HOOK3: variants seen among roughly 807,000 people sequenced by gnomAD.
HOOK3 encodes hook microtubule tethering protein 3, also known as protein Hook homolog 3.
Under a neutral mutation model 116.3 loss-of-function variants are expected in HOOK3, and 24 were observed. That is an observed-to-expected ratio of 0.21 (90% CI 0.15 to 0.29). HOOK3 has a LOEUF of 0.29. HOOK3 is among the 10% of genes least tolerant of loss of function. The pLI is 1.00. For missense variants in HOOK3, 632 were observed against 830.2 expected, an observed-to-expected ratio of 0.76 and a Z score of 2.93; for synonymous variants, 275 against 283.0, an observed-to-expected ratio of 0.97 and a Z score of 0.28.
At chr8:42,961,842 A>C (rs140728833) in intron 8 of HOOK3, among the ~76,000 whole-genome samples, 4 of 152,118 alleles carry the variant, frequency 2.6e-5, no homozygotes, top group Non-Finnish European at 5.9e-5. Context: ...GCTAGAGTGC[A>C]GTGGTGCAAT....
chr8:43,019,736 T>G lies in HOOK3; in HGVS notation c.*1238T>G, dbSNP rs1809788561. On this transcript the variant is annotated 3_prime_UTR_variant, in exon 22 of 22. Transcript: ENST00000307602. ...GTATATATAAGGTGCTATATAAGTG[T>G]GAAATATCATTCATTTATAAATGAA... 2 of 204,770 alleles carry G rather than the reference T, an allele frequency of 9.8e-6. No homozygotes were observed. Among genetic ancestry groups the G allele is most frequent in the Non-Finnish European group, 2.0e-5 (2 of 100,288 alleles). The allele number at this position is 204,770 out of a possible 1,614,324, so 12.7% of individuals were successfully genotyped here.
intron 5 of HOOK3, among the ~76,000 whole-genome samples, chr8:42,946,203 A>G (rs905032982): frequency 1.3e-5 from 2 of 152,180 alleles, no homozygotes; most frequent in African/African-American, 4.8e-5. Context: ...AAGGACATTA[A>G]ATAATGCCAC....
rs150756709 is a variant in HOOK3, at chr8:43,030,048, C to G, written c.*11550C>G. ...TATAATCCAAAAACAATGTCCACAT[C>G]AGACTTGGAACTTCTCACTTCAAAA... On this transcript the variant is annotated 3_prime_UTR_variant, in exon 22 of 22. Coordinates refer to ENST00000307602, the MANE Select transcript of HOOK3 (RefSeq NM_032410.4). 8.0e-4 allele frequency: 170 copies of G among 212,508 alleles called. 3 individuals carry two copies. In the East Asian group the frequency reaches 0.012, roughly 15 times the overall value. 13.2% of individuals were successfully genotyped at this position (212,508 alleles called of 1,614,324 possible).
chr8:42,903,716 G>C (rs1356573552), intron 1 of HOOK3, among the ~76,000 whole-genome samples: 1 of 117,620 alleles, frequency 8.5e-6, no homozygotes, highest in Admixed American at 8.8e-5. Flanking sequence ...CCAGCACTTT[G>C]GGAGGCTAAG....
chr8:42,932,095 C>CT (rs1283688067), intron 4 of HOOK3, among the ~76,000 whole-genome samples: 1 of 152,132 alleles, frequency 6.6e-6, no homozygotes, highest in Non-Finnish European at 1.5e-5. Context: ...CTCATGTAGT[C>CT]ATTGGTACAT....
intron 5 of HOOK3, among the ~76,000 whole-genome samples, chr8:42,947,548 C>T (rs1456375090): frequency 6.6e-6 from 1 of 152,110 alleles, no homozygotes; most frequent in Non-Finnish European, 1.5e-5. Context: ...GATTGAGTTT[C>T]CCCCCAAAAT....
chr8:42,927,479 C>A (rs536304446), intron 3 of HOOK3, among the ~76,000 whole-genome samples: 10 of 152,276 alleles, frequency 6.6e-5, no homozygotes, highest in Admixed American at 1.3e-4. Context: ...TGGTCTTGAA[C>A]TCCTAACCTC....
chr8:42,940,040 G>C (rs1042562109), intron 4 of HOOK3, among the ~76,000 whole-genome samples: 1 of 150,078 alleles, frequency 6.7e-6, no homozygotes, highest in Non-Finnish European at 1.5e-5. Context: ...CCCAGACGGT[G>C]GGCGGCCAGG....
intron 13 of HOOK3, among the ~76,000 whole-genome samples, chr8:42,976,925 G>C (rs1023506082): frequency 6.6e-6 from 1 of 152,154 alleles, no homozygotes; most frequent in Non-Finnish European, 1.5e-5. Context: ...AATAGTGTTA[G>C]AATCACCTGG....
chr8:42,994,775 A>AT (rs1239610844), intron 15 of HOOK3, among the ~76,000 whole-genome samples: 1 of 152,110 alleles, frequency 6.6e-6, no homozygotes, highest in Admixed American at 6.5e-5. Context: ...TTACATTACT[A>AT]TTTTTGCTCA....
At chr8:42,981,291 G>C (rs185225438) in intron 13 of HOOK3, among the ~76,000 whole-genome samples, 1 of 151,778 alleles carries the variant, frequency 6.6e-6, no homozygotes, top group Admixed American at 6.6e-5. Context: ...GAGCTCAATC[G>C]ATCCGCCCAC....
chr8:43,007,016 A>ATTTTTTTTTTTTTTTTTTTTTT (rs58609523), intron 17 of HOOK3, among the ~76,000 whole-genome samples: 2 of 103,278 alleles, frequency 1.9e-5, no homozygotes, highest in Non-Finnish European at 3.8e-5. Context: ...AAGTTCCTAG[A>ATTTTTTTTTTTTTTTTTTTTTT]TTTTTTTTTT....
intron 2 of HOOK3, among the ~76,000 whole-genome samples, chr8:42,915,659 T>G (rs1291869492): frequency 1.3e-5 from 2 of 152,122 alleles, no homozygotes; most frequent in Non-Finnish European, 2.9e-5. Flanking sequence ...CTCGAACTGC[T>G]GACCTCAGGA....
chr8:42,906,158 T>A lies in HOOK3; in HGVS notation c.58-15T>A. ...CCACAGAATCTCTCCCCCCCCCCTC[T>A]TTTTTTCCCTTCAGATCCAGACATT... On this transcript the variant is annotated splice_polypyrimidine_tract_variant and intron_variant, in intron 1 of 21. Transcript: ENST00000307602. The A allele has an allele frequency of 7.1e-6, 4 of 560,662 alleles. No individual in the cohort carries two copies. The highest frequency in any genetic ancestry group is 1.3e-5 in the Non-Finnish European group (4 of 299,298). The allele number at this position is 560,662 out of a possible 1,614,324, so 34.7% of individuals were successfully genotyped here. A position where few individuals can be genotyped will look rare whatever the true frequency, so the allele number is the denominator to read the frequency against.
chr8:42,904,306 C>CTTTTT (rs753501072), intron 1 of HOOK3, among the ~76,000 whole-genome samples: 8 of 122,422 alleles, frequency 6.5e-5, no homozygotes, highest in Admixed American at 8.3e-5. Context: ...CCGGTATGAT[C>CTTTTT]TTTTTTTTTT....
At chr8:42,941,868 G>A (rs576963139) in intron 4 of HOOK3, among the ~76,000 whole-genome samples, 17 of 152,082 alleles carry the variant, frequency 1.1e-4, no homozygotes, top group Admixed American at 2.6e-4. Flanking sequence ...CCTCTGTGTC[G>A]TATCCCCCCA....
rs535813355 is a variant in HOOK3 at position 43,026,914 on chromosome 8, CTG to C, written c.*8417_*8418del. The C allele has an allele frequency of 3.2e-5, 6 of 186,396 alleles. No homozygotes were observed. The highest frequency in any genetic ancestry group is 5.7e-5 in the Non-Finnish European group (5 of 88,372). The allele number at this position is 186,396 out of a possible 1,614,324, so 11.5% of individuals were successfully genotyped here. A position where few individuals can be genotyped will look rare whatever the true frequency, so the allele number is the denominator to read the frequency against. The stretch of plus-strand genomic sequence containing the variant: ...TTTTCTTTTGAGATGGAGTCTCACT[CTG>C]AGTCTCACTCTGTTGCCCAGGCTGG... On this transcript the variant is annotated 3_prime_UTR_variant, in exon 22 of 22. Coordinates refer to ENST00000307602, the MANE Select transcript of HOOK3 (RefSeq NM_032410.4).
chr8:42,919,988 G>A (rs1650895036), intron 2 of HOOK3, among the ~76,000 whole-genome samples: 1 of 151,516 alleles, frequency 6.6e-6, no homozygotes, highest in African/African-American at 2.4e-5. Context: ...TTTGACATAA[G>A]ACAATATACT....
chr8:42,972,817 A>G (rs920860656), intron 11 of HOOK3, among the ~76,000 whole-genome samples: 9 of 152,176 alleles, frequency 5.9e-5, no homozygotes, highest in African/African-American at 2.2e-4. Context: ...GGGTGGTTCA[A>G]CAACCACTCA....
Sources: gnomAD v4.1 joint callset for allele counts (sites outside exome capture counted in the v4.1 genomes callset) on GRCh38, gnomAD v4.1.1 for gene constraint, MANE v1.5 for transcripts, NCBI Gene and HGNC (gene_info 2026-07-23, HGNC 2026-07-21) for gene names.